NCKAP5: variants seen among roughly 807,000 people sequenced by gnomAD.
The protein encoded by NCKAP5 is NCK associated protein 5.
In NCKAP5, 92 loss-of-function variants were observed where a neutral mutation model predicts 167.0. The ratio of observed to expected loss-of-function variants is 0.55; its 90% CI spans 0.47 to 0.66. The LOEUF (loss-of-function observed/expected upper bound fraction) is 0.66, where lower values mean the gene tolerates loss of function less well. Ranked by LOEUF, NCKAP5 falls within the 30% of genes least tolerant of loss-of-function variation. The pLI is 0.00. For missense variants in NCKAP5, 2,378 were observed against 2,315.0 expected, an observed-to-expected ratio of 1.03 and a Z score of -0.56; for synonymous variants, 891 against 877.4, an observed-to-expected ratio of 1.02 and a Z score of -0.27.
chr2:132,682,804 A>G (rs979542503), intron 19 of NCKAP5, among the ~76,000 whole-genome samples: 4 of 151,864 alleles, frequency 2.6e-5, no homozygotes, highest in African/African-American at 9.7e-5. Flanking sequence ...ACTAGTTACT[A>G]TTTACACTCA....
intron 6 of NCKAP5, among the ~76,000 whole-genome samples, chr2:133,094,683 G>T (rs1462568850): frequency 6.6e-6 from 1 of 152,116 alleles, no homozygotes; most frequent in African/African-American, 2.4e-5. Context: ...AAGGAATTTT[G>T]CAAATTAGTT....
At chr2:133,063,447 G>A (rs998979849) in intron 6 of NCKAP5, among the ~76,000 whole-genome samples, 2 of 152,112 alleles carry the variant, frequency 1.3e-5, no homozygotes, top group Non-Finnish European at 2.9e-5. Context: ...TTTCTGGTAG[G>A]AAGAGTTCAC....
At chr2:133,347,601 A>AAT (rs909989174) in intron 3 of NCKAP5, among the ~76,000 whole-genome samples, 254 of 150,362 alleles carry the variant, frequency 1.7e-3, no homozygotes, top group African/African-American at 5.9e-3. Context: ...AATATAATAT[A>AAT]ATAAAGTATA....
At chr2:133,083,551 G>T (rs2080882926) in intron 6 of NCKAP5, among the ~76,000 whole-genome samples, 1 of 152,118 alleles carries the variant, frequency 6.6e-6, no homozygotes. Flanking sequence ...ATTCCAAATT[G>T]TTTGTAAACC....
chr2:133,174,820 A>G (rs924746028), intron 5 of NCKAP5, among the ~76,000 whole-genome samples: 1 of 151,242 alleles, frequency 6.6e-6, no homozygotes, highest in Non-Finnish European at 1.5e-5. Flanking sequence ...CTCTAGCTGT[A>G]CTCTCTGTAA....
At chr2:133,027,250 G>A (rs1002720289) in intron 6 of NCKAP5, among the ~76,000 whole-genome samples, 2 of 152,168 alleles carry the variant, frequency 1.3e-5, no homozygotes, top group African/African-American at 4.8e-5. Flanking sequence ...ACCCCAGCAT[G>A]TAACACCCAT....
intron 2 of NCKAP5, among the ~76,000 whole-genome samples, chr2:133,522,933 C>T (rs758004399): frequency 9.9e-5 from 15 of 152,236 alleles, no homozygotes; most frequent in East Asian, 9.7e-4. Flanking sequence ...TCCTTCCCTC[C>T]GTGGGGAAGA....
intron 8 of NCKAP5, among the ~76,000 whole-genome samples, chr2:132,938,037 C>G (rs975928539): frequency 1.3e-5 from 2 of 152,260 alleles, no homozygotes; most frequent in Admixed American, 1.3e-4. Context: ...ATTCTATCCT[C>G]TGAGCTTTTA....
At chr2:132,991,938 A>G (rs899896407) in intron 7 of NCKAP5, among the ~76,000 whole-genome samples, 4 of 152,218 alleles carry the variant, frequency 2.6e-5, no homozygotes, top group African/African-American at 9.6e-5. Flanking sequence ...TATTTAGAAA[A>G]ATAGAATTTG....
intron 3 of NCKAP5, among the ~76,000 whole-genome samples, chr2:133,407,999 A>G (rs1688544937): frequency 6.6e-6 from 1 of 152,126 alleles, no homozygotes; most frequent in South Asian, 2.1e-4. Flanking sequence ...TCTTTTCCCC[A>G]TCCTAGACTT....
chr2:133,378,150 TAA>T (rs961181505), intron 3 of NCKAP5, among the ~76,000 whole-genome samples: 2 of 152,204 alleles, frequency 1.3e-5, no homozygotes, highest in African/African-American at 4.8e-5. Context: ...ATTTCTATGC[TAA>T]GTTTTAAAAA....
chr2:132,994,283 A>T, intron 6 of NCKAP5, 44 bp from the exon 7 acceptor site: 1 of 1,366,698 alleles, frequency 7.3e-7, no homozygotes, highest in Non-Finnish European at 1.0e-6. Flanking sequence ...AAGGTTTCTA[A>T]TTAACACGGA....
chr2:133,346,624 G>A (rs1683993058), intron 3 of NCKAP5, among the ~76,000 whole-genome samples: 1 of 152,224 alleles, frequency 6.6e-6, no homozygotes, highest in Non-Finnish European at 1.5e-5. Flanking sequence ...GCCCCTCACA[G>A]AGCATGTGTT....
At chr2:133,577,882 C>T in the NCKAP5 span, among the ~76,000 whole-genome samples, 2 of 152,166 alleles carry the variant, frequency 1.3e-5, no homozygotes, top group Non-Finnish European at 2.9e-5. Flanking sequence ...TCTCCCCATT[C>T]ATTATTCCAT....
intron 5 of NCKAP5, among the ~76,000 whole-genome samples, chr2:133,184,871 C>T (rs1366247842): frequency 3.3e-5 from 5 of 151,984 alleles, no homozygotes; most frequent in Admixed American, 6.6e-5. Context: ...ATTAGACCTT[C>T]GTCAGATGCA....
intron 3 of NCKAP5, among the ~76,000 whole-genome samples, chr2:133,501,260 C>A (rs17815418): frequency 0.065 from 9,954 of 152,256 alleles, 365 homozygotes; most frequent in South Asian, 0.16. Flanking sequence ...GGGCATTGTA[C>A]TATAAGCTGA....
At position 132,783,118 on chromosome 2, in the gene NCKAP5, C is replaced by T. The variant is rs549163518; in HGVS notation, c.3693G>A (p.Glu1231=). 2 of 1,613,708 alleles carry T rather than the reference C, an allele frequency of 1.2e-6. No homozygotes were observed. The highest frequency in any genetic ancestry group is 1.1e-5 in the South Asian group (1 of 91,034). Residue 1231 remains glutamate (E), a synonymous_variant, in exon 14 of 20, where the codon GAG becomes GAA. Transcript: ENST00000409261. ...TCCCAGGGATGCTACTTTCCAATGG[C>T]TCTTGTAGTGCTGTTTCCAGGGGAA... ...DGLPLETALQ[E]PLESSIPGSD... is the part of the protein sequence containing the mutation.
intron 6 of NCKAP5, among the ~76,000 whole-genome samples, chr2:133,082,773 G>A (rs116701323): frequency 0.014 from 2,113 of 152,228 alleles, 18 homozygotes; most frequent in Middle Eastern, 0.031. Flanking sequence ...ATTCCCGATG[G>A]CCTACTGTTT....
chr2:133,116,674 A>G (rs915506641), intron 6 of NCKAP5, among the ~76,000 whole-genome samples: 5 of 152,126 alleles, frequency 3.3e-5, no homozygotes, highest in Non-Finnish European at 7.4e-5. Flanking sequence ...CAAACACTAA[A>G]TTTTTGAGAA....
Sources: gnomAD v4.1 joint callset for allele counts (sites outside exome capture counted in the v4.1 genomes callset) on GRCh38, gnomAD v4.1.1 for gene constraint, MANE v1.5 for transcripts, NCBI Gene and HGNC (gene_info 2026-07-23, HGNC 2026-07-21) for gene names.